TGFBI: variants seen among roughly 807,000 people sequenced by gnomAD.
TGFBI encodes the protein transforming growth factor-beta-induced protein ig-h3.
TGFBI carries 50 observed loss-of-function variants against 73.7 expected under a neutral mutation model. The ratio of observed to expected loss-of-function variants is 0.68; its 90% CI spans 0.54 to 0.86. The LOEUF (loss-of-function observed/expected upper bound fraction) is 0.86, where lower values mean the gene tolerates loss of function less well. Among genes scored for constraint, TGFBI ranks in the 40% least tolerant of loss-of-function variants. The pLI is 0.00. For missense variants in TGFBI, 839 were observed against 877.0 expected, an observed-to-expected ratio of 0.96 and a Z score of 0.55; for synonymous variants, 362 against 360.5, an observed-to-expected ratio of 1.00 and a Z score of -0.05.
At chr5:136,047,691 C>A (rs1351377227) in intron 6 of TGFBI, 2 of 423,986 alleles carry the variant, frequency 4.7e-6, no homozygotes, top group Non-Finnish European at 8.6e-6. Context: ...AGCACAGTGT[C>A]CTCTGAGCCC....
intron 2 of TGFBI, among the ~76,000 whole-genome samples, chr5:136,035,908 G>A (rs1464642934): frequency 1.3e-5 from 2 of 152,154 alleles, no homozygotes; most frequent in East Asian, 1.9e-4. Flanking sequence ...GGTAGCATCT[G>A]CCACACTGTT....
chr5:136,037,354 GA>G (rs1395012690), intron 2 of TGFBI, among the ~76,000 whole-genome samples: 2 of 152,208 alleles, frequency 1.3e-5, no homozygotes, highest in African/African-American at 2.4e-5. Context: ...CCCCCTCTGT[GA>G]TTTCAGGCCC....
intron 12 of TGFBI, among the ~76,000 whole-genome samples, chr5:136,057,838 T>C (rs1751676689): frequency 6.6e-6 from 1 of 152,166 alleles, no homozygotes; most frequent in Non-Finnish European, 1.5e-5. Flanking sequence ...GATGCTGACG[T>C]ATGTTCCTAA....
rs1214013374 is a variant in TGFBI at position 136,046,498 on chromosome 5, G to A, written c.459+3G>A. 1.2e-6 allele frequency: 2 copies of A among 1,602,102 alleles called. No individual in the cohort carries two copies. Among genetic ancestry groups the A allele is most frequent in the East Asian group, 4.5e-5 (2 of 44,368 alleles). On this transcript the variant is annotated splice_donor_region_variant and intron_variant, in intron 4 of 16. Transcript: ENST00000442011. Reference sequence around the variant, plus strand: ...AGGCCTGGGCCTCCTTGCCAGCTGTGAGATGACCTCCGTCTGCCCGGGGGA... The same window carrying A: ...AGGCCTGGGCCTCCTTGCCAGCTGTAAGATGACCTCCGTCTGCCCGGGGGA...
At chr5:136,063,154 C>G in intron 16 of TGFBI, 32 bp from the exon 17 acceptor site, 2 of 1,606,220 alleles carry the variant, frequency 1.2e-6, no homozygotes, top group Non-Finnish European at 1.7e-6. Context: ...GAGATCTGCA[C>G]CTATTTGACG....
At chr5:136,030,370 T>C (rs1404047940) in intron 1 of TGFBI, among the ~76,000 whole-genome samples, 1 of 152,176 alleles carries the variant, frequency 6.6e-6, no homozygotes, top group Non-Finnish European at 1.5e-5. Context: ...AGGCTGCCCC[T>C]TGTAGGGCAT....
intron 9 of TGFBI, 32 bp downstream of exon 9, chr5:136,054,112 T>C (rs777582726): frequency 3.1e-5 from 50 of 1,602,072 alleles, no homozygotes; most frequent in Non-Finnish European, 4.2e-5. Flanking sequence ...TGTTAGATTG[T>C]CCCTGGAGGC....
At chr5:136,034,971 C>T (rs1399890633) in intron 2 of TGFBI, among the ~76,000 whole-genome samples, 1 of 152,206 alleles carries the variant, frequency 6.6e-6, no homozygotes, top group Non-Finnish European at 1.5e-5. Flanking sequence ...TAATAGCCAA[C>T]TGAAAGAAGA....
Position 136,059,164 on chromosome 5 carries a change from G to T in TGFBI, c.1753G>T (p.Ala585Ser), listed in dbSNP as rs1169770362. The change falls in exon 13 of 17, where the codon GCC becomes TCC. Residue 585 changes from alanine (A) to serine (S), a missense_variant. Physicochemically the swap from Ala to Ser is moderately conservative, Grantham distance 99. Coordinates refer to ENST00000442011, the MANE Select transcript of TGFBI (RefSeq NM_000358.3). ...AATCCTGGTTAGCGGAGGCATCGGG[G>T]CCCTGGTGCGGCTAAAGTCTCTCCA... The part of the protein sequence containing the change: ...DEILVSGGIG[A>S]LVRLKSLQGD... The T allele has an allele frequency of 1.2e-6, 2 of 1,610,618 alleles. No individual in the cohort carries two copies. Among genetic ancestry groups the T allele is most frequent in the Non-Finnish European group, 8.5e-7 (1 of 1,178,896 alleles).
chr5:136,046,581 C>T, intron 4 of TGFBI, 86 bp downstream of exon 4: 1 of 1,432,702 alleles, frequency 7.0e-7, no homozygotes, highest in Non-Finnish European at 9.3e-7. Context: ...TGGGAGTCTG[C>T]AGTCATTTCC....
intron 6 of TGFBI, 77 bp downstream of exon 6, chr5:136,047,497 G>A (rs138151875): frequency 1.4e-4 from 214 of 1,570,004 alleles, no homozygotes; most frequent in Admixed American, 3.9e-4. Flanking sequence ...GAACTCTTCT[G>A]CAGGAGAGGT....
chr5:136,047,448 A>G, intron 6 of TGFBI, 28 bp downstream of exon 6: 1 of 1,613,230 alleles, frequency 6.2e-7, no homozygotes, highest in Non-Finnish European at 8.5e-7. Flanking sequence ...GTGGAGGCCC[A>G]GGCTTGGGAC....
At chr5:136,045,504 C>T (rs774709722) in intron 3 of TGFBI, among the ~76,000 whole-genome samples, 2 of 151,918 alleles carry the variant, frequency 1.3e-5, no homozygotes, top group Admixed American at 6.5e-5. Flanking sequence ...GAGATAGGGC[C>T]GTTGCACTCC....
intron 12 of TGFBI, among the ~76,000 whole-genome samples, chr5:136,058,481 G>A (rs976810261): frequency 1.3e-5 from 2 of 152,210 alleles, no homozygotes; most frequent in Non-Finnish European, 2.9e-5. Context: ...GGGCTGAAAG[G>A]AATGCTGAGA....
intron 1 of TGFBI, among the ~76,000 whole-genome samples, chr5:136,033,226 G>C (rs1258630546): frequency 6.6e-6 from 1 of 152,180 alleles, no homozygotes; most frequent in Non-Finnish European, 1.5e-5. Flanking sequence ...TGTCATCTGG[G>C]ACATTGGAGA....
At chr5:136,061,388 G>A in intron 14 of TGFBI, 112 bp from the exon 15 acceptor site, 1 of 776,712 alleles carries the variant, frequency 1.3e-6, no homozygotes, top group East Asian at 2.7e-5. Context: ...GAGAAAACAT[G>A]TCTTTGGAAA....
In TGFBI at chr5:136,047,397, G is replaced by A. The variant is rs773703730; in HGVS notation, c.748G>A (p.Glu250Lys). ...TNNIQQIIEI[E>K]DTFETLRAAV... ...CAACATCCAGCAGATCATTGAGATC[G>A]AGGACACCTTTGAGACCCTTCGGGT... Residue 250 changes from glutamate to lysine, a missense_variant, in exon 6 of 17, where the codon GAG (glutamate) becomes AAG (lysine). Transcript: ENST00000442011. 2.3e-5 allele frequency: 37 copies of A among 1,613,882 alleles called. No individual in the cohort carries two copies. Among genetic ancestry groups the A allele is most frequent in the Non-Finnish European group, 3.0e-5 (35 of 1,179,872 alleles).
chr5:136,033,638 C>T, intron 1 of TGFBI, 125 bp from the exon 2 acceptor site: 1 of 749,456 alleles, frequency 1.3e-6, no homozygotes. Context: ...AGTACCAAGA[C>T]TGAAATGACT....
chr5:136,058,772 C>T (rs1028404641), intron 12 of TGFBI: 1 of 218,270 alleles, frequency 4.6e-6, no homozygotes, highest in Non-Finnish European at 9.0e-6. Flanking sequence ...ATGAGTCATA[C>T]TCACAGAGGA....
Sources: allele counts gnomAD v4.1 joint callset (sites outside exome capture counted in the v4.1 genomes callset), GRCh38; gene constraint gnomAD v4.1.1; transcripts MANE v1.5; gene names NCBI Gene and HGNC (gene_info 2026-07-23, HGNC 2026-07-21).